Variants in EXOC6B observed in about 807,000 individuals in gnomAD.
EXOC6B encodes the protein exocyst complex component 6B, also known as SEC15 homolog B.
A neutral mutation model predicts 113.5 loss-of-function variants in EXOC6B; 54 were observed. The ratio of observed to expected loss-of-function variants is 0.48; its 90% CI spans 0.38 to 0.60. The LOEUF is 0.60. Among genes scored for constraint, EXOC6B ranks in the 20% least tolerant of loss-of-function variants. The probability of loss-of-function intolerance (pLI) is 0.00; values close to 1 mark genes in which losing one functional copy is unlikely to be tolerated. For missense variants in EXOC6B, 797 were observed against 977.5 expected, an observed-to-expected ratio of 0.82 and a Z score of 2.46; for synonymous variants, 357 against 339.0, an observed-to-expected ratio of 1.05 and a Z score of -0.58.
chr2:72,588,813 TG>T (rs1266562327), intron 6 of EXOC6B, among the ~76,000 whole-genome samples: 1 of 152,048 alleles, frequency 6.6e-6, no homozygotes, highest in Non-Finnish European at 1.5e-5. Flanking sequence ...CTCATTTTAA[TG>T]ATGGACACAT....
chr2:72,806,686 C>A (rs899159637), intron 1 of EXOC6B, among the ~76,000 whole-genome samples: 1 of 152,196 alleles, frequency 6.6e-6, no homozygotes, highest in Non-Finnish European at 1.5e-5. Context: ...GCAACCTCAC[C>A]AGCATCTATC....
chr2:72,216,797 A>T (rs1404407056), intron 20 of EXOC6B, among the ~76,000 whole-genome samples: 1 of 152,170 alleles, frequency 6.6e-6, no homozygotes, highest in Non-Finnish European at 1.5e-5. Context: ...AAACTAACAC[A>T]GGAACAGAAA....
At chr2:72,411,574 G>A (rs938653505) in intron 18 of EXOC6B, among the ~76,000 whole-genome samples, 4 of 152,102 alleles carry the variant, frequency 2.6e-5, no homozygotes, top group Non-Finnish European at 4.4e-5. Flanking sequence ...CTTGGTGGTG[G>A]GGAAAAAACT....
intron 20 of EXOC6B, among the ~76,000 whole-genome samples, chr2:72,240,116 C>T (rs1299664423): frequency 2.0e-5 from 3 of 152,106 alleles, no homozygotes; most frequent in African/African-American, 7.2e-5. Flanking sequence ...ATCATGTCAT[C>T]TACAAATAAA....
chr2:72,480,879 G>C (rs1456548409), intron 16 of EXOC6B, 129 bp from the exon 17 acceptor site: 1 of 924,822 alleles, frequency 1.1e-6, no homozygotes, highest in Non-Finnish European at 1.6e-6. Flanking sequence ...TCGGGCAAGG[G>C]GTATGTTAAA....
At chr2:72,293,569 G>T (rs928755169) in intron 20 of EXOC6B, among the ~76,000 whole-genome samples, 1 of 152,258 alleles carries the variant, frequency 6.6e-6, no homozygotes, top group Non-Finnish European at 1.5e-5. Flanking sequence ...CTATGGATCT[G>T]AGATGGGCCA....
chr2:72,728,006 A>C (rs1680406780), intron 5 of EXOC6B, among the ~76,000 whole-genome samples: 1 of 152,200 alleles, frequency 6.6e-6, no homozygotes, highest in Non-Finnish European at 1.5e-5. Flanking sequence ...TAAAAATAAA[A>C]TAAAAATCAC....
intron 20 of EXOC6B, among the ~76,000 whole-genome samples, chr2:72,327,153 CT>C (rs2104850727): frequency 6.6e-6 from 1 of 152,130 alleles, no homozygotes; most frequent in South Asian, 2.1e-4. Flanking sequence ...CACACAAACT[CT>C]CCAGGGAACA....
intron 14 of EXOC6B, among the ~76,000 whole-genome samples, chr2:72,495,874 T>C (rs1165127169): frequency 6.6e-6 from 1 of 152,190 alleles, no homozygotes. Flanking sequence ...CAAGAAGTTA[T>C]ATACTACACA....
intron 18 of EXOC6B, among the ~76,000 whole-genome samples, chr2:72,412,821 T>C (rs550224199): frequency 3.9e-5 from 6 of 152,320 alleles, no homozygotes; most frequent in African/African-American, 1.2e-4. Flanking sequence ...TTTTAGACTA[T>C]AAAATAAGCA....
intron 18 of EXOC6B, among the ~76,000 whole-genome samples, chr2:72,446,990 G>A (rs1046827880): frequency 6.6e-6 from 1 of 151,858 alleles, no homozygotes; most frequent in Non-Finnish European, 1.5e-5. Context: ...TGTAATCCCA[G>A]CTACTCAGGA....
At chr2:72,583,333 TA>T (rs1275096473) in intron 6 of EXOC6B, among the ~76,000 whole-genome samples, 3 of 152,052 alleles carry the variant, frequency 2.0e-5, no homozygotes, top group Non-Finnish European at 4.4e-5. Flanking sequence ...GAGGTAAACA[TA>T]CAGATATTAA....
At chr2:72,559,198 A>C (rs1481375968) in intron 8 of EXOC6B, among the ~76,000 whole-genome samples, 1 of 152,230 alleles carries the variant, frequency 6.6e-6, no homozygotes, top group African/African-American at 2.4e-5. Flanking sequence ...TAAACTAAAA[A>C]CAGAAATCTG....
intron 6 of EXOC6B, among the ~76,000 whole-genome samples, chr2:72,656,303 C>T (rs896702695): frequency 6.6e-6 from 1 of 151,978 alleles, no homozygotes; most frequent in African/African-American, 2.4e-5. Flanking sequence ...AATGAGAAAA[C>T]TGGATAATCT....
chr2:72,207,500 C>T (rs1260852531), intron 20 of EXOC6B, among the ~76,000 whole-genome samples: 1 of 152,148 alleles, frequency 6.6e-6, no homozygotes, highest in East Asian at 1.9e-4. Context: ...CACGCAAAAG[C>T]ACTCAGGACA....
chr2:72,630,105 A>G (rs1672296249), intron 6 of EXOC6B, among the ~76,000 whole-genome samples: 1 of 152,160 alleles, frequency 6.6e-6, no homozygotes, highest in Non-Finnish European at 1.5e-5. Context: ...GCAGCCAACC[A>G]ATCCAGAGGT....
intron 20 of EXOC6B, among the ~76,000 whole-genome samples, chr2:72,273,445 C>T (rs548464825): frequency 6.6e-6 from 1 of 152,064 alleles, no homozygotes; most frequent in South Asian, 2.1e-4. Context: ...GACATACAGG[C>T]AAATAAACAC....
At chr2:72,791,196 C>T (rs1016173532) in intron 1 of EXOC6B, among the ~76,000 whole-genome samples, 1 of 152,134 alleles carries the variant, frequency 6.6e-6, no homozygotes, top group Non-Finnish European at 1.5e-5. Flanking sequence ...CTGATTTGAT[C>T]ATTACACGGT....
rs940555298 is a variant in EXOC6B, at chr2:72,179,004, A to G, written c.*331T>C. The G allele has an allele frequency of 4.5e-6, 1 of 224,014 alleles. No homozygotes were observed. The highest frequency in any genetic ancestry group is 5.1e-5 in the Admixed American group (1 of 19,464). The allele number at this position is 224,014 out of a possible 1,614,324, so 13.9% of individuals were successfully genotyped here. The stretch of plus-strand genomic sequence containing the variant: ...TCCCAGCGCCAGATACCCACTTTTT[A>G]TGGTTCCTAAGCCCCAGACCTAAGC... On this transcript the variant is annotated 3_prime_UTR_variant, in exon 22 of 22. Coordinates refer to ENST00000272427, the MANE Select transcript of EXOC6B (RefSeq NM_015189.3).
Sources: allele counts gnomAD v4.1 joint callset (sites outside exome capture counted in the v4.1 genomes callset), GRCh38; gene constraint gnomAD v4.1.1; transcripts MANE v1.5; gene names NCBI Gene and HGNC (gene_info 2026-07-23, HGNC 2026-07-21).